PDE4DIP: variants seen among roughly 807,000 people sequenced by gnomAD.
The protein encoded by PDE4DIP is phosphodiesterase 4D interacting protein.
PDE4DIP carries 59 observed loss-of-function variants against 221.4 expected under a neutral mutation model. That is an observed-to-expected ratio of 0.27 (90% confidence interval 0.22 to 0.33). The LOEUF (loss-of-function observed/expected upper bound fraction) is 0.33, where lower values mean the gene tolerates loss of function less well. Ranked by LOEUF, PDE4DIP falls within the 10% of genes least tolerant of loss-of-function variation. The probability of loss-of-function intolerance (pLI) is 1.00; values close to 1 mark genes in which losing one functional copy is unlikely to be tolerated. For synonymous variants in PDE4DIP, 404 were observed against 815.9 expected (o/e 0.50, Z 8.60); for missense variants, 1,036 against 2,154.2 (o/e 0.48, Z 10.28).
At chr1:148,924,561 G>GACTATTAA in intron 1 of PDE4DIP, among the ~76,000 whole-genome samples, 1 of 151,128 alleles carries the variant, frequency 6.6e-6, no homozygotes, top group Non-Finnish European at 1.5e-5. Flanking sequence ...GAGGGACTGA[G>GACTATTAA]GTTGGGGAAA....
chr1:149,010,590 A>G (rs781919925), exon 31 of PDE4DIP: 1 of 1,613,958 alleles, frequency 6.2e-7, no homozygotes, highest in Non-Finnish European at 8.5e-7. Context: ...AACCAGGCCC[A>G]TTCAGGTATG....
chr1:148,953,815 C>T (rs782759404), intron 5 of PDE4DIP: 5 of 1,470,030 alleles, frequency 3.4e-6, no homozygotes, highest in Non-Finnish European at 4.7e-6. Flanking sequence ...AACCCCTTTA[C>T]AAGACACCTG....
chr1:149,019,961 G>A (rs1252688020), intron 35 of PDE4DIP, among the ~76,000 whole-genome samples, 186 bp from the exon 39 acceptor site: 3 of 152,176 alleles, frequency 2.0e-5, no homozygotes, highest in Non-Finnish European at 4.4e-5. Flanking sequence ...GAAGGGTTTT[G>A]CAAAGAGAGA....
intron 22 of PDE4DIP, among the ~76,000 whole-genome samples, chr1:148,997,684 GGGCC>G (rs2064592632): frequency 1.3e-5 from 2 of 150,964 alleles, no homozygotes; most frequent in African/African-American, 4.8e-5. Flanking sequence ...GTTACAGGCA[GGGCC>G]TTAGGCTTTG....
intron 23 of PDE4DIP, among the ~76,000 whole-genome samples, chr1:149,000,065 T>A (rs1559235357): frequency 6.6e-6 from 1 of 151,986 alleles, no homozygotes; most frequent in Non-Finnish European, 1.5e-5. Flanking sequence ...TGAGAAACTA[T>A]CTCACAGATT....
At chr1:148,876,231 TTCTTC>T (rs1174672301) in intron 3 of PDE4DIP, among the ~76,000 whole-genome samples, 2 of 91,808 alleles carry the variant, frequency 2.2e-5, no homozygotes, top group African/African-American at 8.7e-5. Context: ...AAAACTTGTT[TTCTTC>T]TCTTCTCCCG....
At chr1:148,953,738 C>T in intron 5 of PDE4DIP, 1 of 1,452,830 alleles carries the variant, frequency 6.9e-7, no homozygotes, top group Non-Finnish European at 9.6e-7. Context: ...ATCCAGCCTA[C>T]CTGGAGCCAA....
At chr1:149,028,531 T>C in intron 40 of PDE4DIP, 29 bp from the exon 44 acceptor site, 1 of 1,601,968 alleles carries the variant, frequency 6.2e-7, no homozygotes, top group Non-Finnish European at 8.5e-7. Flanking sequence ...AAGTAATCTC[T>C]CCGCTCCTGT....
intron 2 of PDE4DIP, chr1:148,929,600 G>C (rs1460648968): frequency 2.8e-5 from 8 of 287,214 alleles, no homozygotes; most frequent in Non-Finnish European, 4.7e-5. Context: ...AAAAGTATCA[G>C]TCAGCCTATA....
At chr1:148,976,810 T>C (rs1264440786) in intron 17 of PDE4DIP, among the ~76,000 whole-genome samples, 1 of 151,730 alleles carries the variant, frequency 6.6e-6, no homozygotes, top group African/African-American at 2.4e-5. Context: ...GAGGCAGCCC[T>C]GAGAAAGATA....
intron 3 of PDE4DIP, among the ~76,000 whole-genome samples, chr1:148,875,660 T>C: frequency 6.8e-6 from 1 of 147,046 alleles, no homozygotes. Flanking sequence ...GGTGTGGTGA[T>C]CATGCCTGTA....
intron 5 of PDE4DIP, among the ~76,000 whole-genome samples, chr1:148,947,871 G>T (rs1265431493): frequency 6.7e-6 from 1 of 150,372 alleles, no homozygotes; most frequent in Non-Finnish European, 1.5e-5. Flanking sequence ...TCATTCAGTG[G>T]TTTTCAAAGT....
At chr1:148,912,097 C>CTT (rs1180350261) in intron 1 of PDE4DIP, among the ~76,000 whole-genome samples, 1 of 139,260 alleles carries the variant, frequency 7.2e-6, no homozygotes. Context: ...CTACCTTTTA[C>CTT]TTTTTTTTTT....
chr1:148,938,223 GAA>G (rs2049699698), intron 5 of PDE4DIP: 1 of 162,306 alleles, frequency 6.2e-6, no homozygotes, highest in African/African-American at 2.4e-5. Flanking sequence ...GCCAGCAGCA[GAA>G]AGAGTCTGTT....
At chr1:148,927,199 A>T (rs1419170583) in intron 1 of PDE4DIP, among the ~76,000 whole-genome samples, 1 of 151,956 alleles carries the variant, frequency 6.6e-6, no homozygotes, top group Non-Finnish European at 1.5e-5. Flanking sequence ...TAATAACTTT[A>T]AAGTATATCC....
chr1:148,971,950 G>GT (rs60006146), intron 14 of PDE4DIP, among the ~76,000 whole-genome samples: 23,503 of 127,742 alleles, frequency 0.18, 2,450 homozygotes, highest in Non-Finnish European at 0.23. Context: ...GTTAAATTCA[G>GT]TTTTTTTTCC....
chr1:148,956,001 T>C, intron 5 of PDE4DIP, among the ~76,000 whole-genome samples: 1 of 152,244 alleles, frequency 6.6e-6, no homozygotes, highest in African/African-American at 2.4e-5. Flanking sequence ...GTAAATAAAA[T>C]GGGCGGTGTA....
chr1:148,953,554 TGAG>T (rs113132921), intron 5 of PDE4DIP: 32 of 1,614,044 alleles, frequency 2.0e-5, no homozygotes, highest in African/African-American at 1.2e-4. Flanking sequence ...AACAGAAAGA[TGAG>T]GAGACTGAGA....
chr1:148,907,222 TG>T (rs2042056354), intron 1 of PDE4DIP, among the ~76,000 whole-genome samples: 2 of 134,596 alleles, frequency 1.5e-5, no homozygotes, highest in Non-Finnish European at 3.2e-5. Context: ...AGCAGATAGT[TG>T]GTCGGTTAAT....
Sources: gnomAD v4.1 joint callset for allele counts (sites outside exome capture counted in the v4.1 genomes callset) on GRCh38, gnomAD v4.1.1 for gene constraint, MANE v1.5 for transcripts, NCBI Gene and HGNC (gene_info 2026-07-23, HGNC 2026-07-21) for gene names.